SRGAP3: variants seen among roughly 807,000 people sequenced by gnomAD.
SRGAP3 encodes SLIT-ROBO Rho GTPase activating protein 3.
SRGAP3 carries 39 observed loss-of-function variants against 121.1 expected under a neutral mutation model. The observed-to-expected ratio is 0.32, with a 90% CI of 0.25 to 0.42. The LOEUF is 0.42. SRGAP3 is among the 10% of genes least tolerant of loss of function. The probability of loss-of-function intolerance (pLI) is 1.00; values close to 1 mark genes in which losing one functional copy is unlikely to be tolerated. For missense variants in SRGAP3, 1,213 were observed against 1,470.6 expected, an observed-to-expected ratio of 0.82 and a Z score of 2.86; for synonymous variants, 601 against 570.0, an observed-to-expected ratio of 1.05 and a Z score of -0.77.
At chr3:9,149,619 GCA>G in intron 1 of SRGAP3, among the ~76,000 whole-genome samples, 1 of 152,308 alleles carries the variant, frequency 6.6e-6, no homozygotes, top group East Asian at 1.9e-4. Context: ...ATCACCAGCA[GCA>G]CATGTCTGGG....
intron 1 of SRGAP3, among the ~76,000 whole-genome samples, chr3:9,211,032 G>T (rs1213971940): frequency 6.6e-6 from 1 of 152,114 alleles, no homozygotes; most frequent in African/African-American, 2.4e-5. Flanking sequence ...AGAAGATAGG[G>T]TTATCAGAAA....
intron 1 of SRGAP3, among the ~76,000 whole-genome samples, chr3:9,347,719 C>G (rs535869535): frequency 6.6e-6 from 1 of 152,348 alleles, no homozygotes; most frequent in South Asian, 2.1e-4. Flanking sequence ...ATTTTCCCAT[C>G]TAGCCCTAGG....
At chr3:9,234,744 A>C (rs1157936277) in intron 1 of SRGAP3, among the ~76,000 whole-genome samples, 3 of 152,232 alleles carry the variant, frequency 2.0e-5, no homozygotes, top group Admixed American at 1.3e-4. Context: ...GCAGACAAGC[A>C]ATCCGGAATC....
chr3:9,179,527 C>T (rs1951301596), intron 1 of SRGAP3, among the ~76,000 whole-genome samples: 1 of 152,048 alleles, frequency 6.6e-6, no homozygotes, highest in African/African-American at 2.4e-5. Flanking sequence ...GATGCCATCA[C>T]CAATGGATGC....
Position 9,313,864 on chromosome 3 carries a change from T to C in SRGAP3, n.442+12146A>G, listed in dbSNP as rs185182796. On this transcript the variant is annotated intron_variant and non_coding_transcript_variant, in intron 3 of 3. Coordinates refer to the SRGAP3 transcript ENST00000490889. ...CAAAAATTAGCCGGGTGTGGTGGCA[T>C]GCGCCTGCAGTCCCAGCTACTTGGA... 3.3e-3 allele frequency among the ~76,000 whole-genome samples: 493 copies of C among 151,662 alleles called. 1 individual carries two copies. Among genetic ancestry groups the C allele is most frequent in the Non-Finnish European group, 5.8e-3 (393 of 67,890 alleles).
At chr3:9,259,095 T>C (rs1259180272) in intron 3 of SRGAP3, among the ~76,000 whole-genome samples, 2 of 152,180 alleles carry the variant, frequency 1.3e-5, no homozygotes, top group Non-Finnish European at 1.5e-5. Context: ...TCTGCAGTGC[T>C]CCCAGCACTT....
In SRGAP3 at chr3:9,104,784, G is replaced by C. The variant is rs753928093; in HGVS notation, c.319C>G (p.Arg107Gly). ...GTGGCATGGTCTCGGCTCTCCCGCC[G>C]GGTCTGATGCAGAACCAGATACCAA... Reference protein sequence around the residue: ...NCWYLVLHQTRRESRDHATLN... With the variant: ...NCWYLVLHQTGRESRDHATLN... Residue 107 changes from arginine to glycine, a missense_variant, in exon 3 of 22, where the codon CGG becomes GGG. This residue lies in a region of SRGAP3 where 793 missense variants were observed against 1,032.9 expected (regional missense o/e 0.77). Coordinates refer to ENST00000383836, the MANE Select transcript of SRGAP3 (RefSeq NM_014850.4). 1 of 1,614,244 alleles carries C rather than the reference G, an allele frequency of 6.2e-7. No individual in the cohort carries two copies. The highest frequency in any genetic ancestry group is 8.5e-7 in the Non-Finnish European group (1 of 1,180,048).
chr3:9,169,643 GA>G, intron 1 of SRGAP3, among the ~76,000 whole-genome samples: 1 of 152,194 alleles, frequency 6.6e-6, no homozygotes, highest in Admixed American at 6.5e-5. Context: ...CAACACTTGG[GA>G]AACTCAAAGT....
At chr3:9,200,102 G>T (rs1160126146) in intron 1 of SRGAP3, among the ~76,000 whole-genome samples, 4 of 152,218 alleles carry the variant, frequency 2.6e-5, no homozygotes, top group Non-Finnish European at 5.9e-5. Flanking sequence ...GGCATCGCCT[G>T]TGTGCTTGGA....
At chr3:9,228,518 G>T (rs1000147366) in intron 1 of SRGAP3, among the ~76,000 whole-genome samples, 22 of 152,208 alleles carry the variant, frequency 1.4e-4, no homozygotes, top group Non-Finnish European at 2.2e-4. Context: ...CCAGAGAAGA[G>T]GAGGGAAGCC....
At chr3:9,122,330 T>C (rs1026727683) in intron 2 of SRGAP3, among the ~76,000 whole-genome samples, 1 of 151,892 alleles carries the variant, frequency 6.6e-6, no homozygotes, top group Non-Finnish European at 1.5e-5. Flanking sequence ...CAAAAAAATA[T>C]GAGATTATAT....
chr3:9,091,290 A>C (rs1356595740), intron 3 of SRGAP3, among the ~76,000 whole-genome samples: 1 of 151,912 alleles, frequency 6.6e-6, no homozygotes, highest in African/African-American at 2.4e-5. Flanking sequence ...GCTTGAGTAG[A>C]TGTTCTCATG....
chr3:9,227,183 A>G (rs1416480831), intron 1 of SRGAP3, among the ~76,000 whole-genome samples: 1 of 151,920 alleles, frequency 6.6e-6, no homozygotes, highest in Non-Finnish European at 1.5e-5. Flanking sequence ...TTTTACATGA[A>G]CTCCCCTGAT....
intron 1 of SRGAP3, among the ~76,000 whole-genome samples, chr3:9,196,079 A>G (rs1461345307): frequency 6.6e-6 from 1 of 152,234 alleles, no homozygotes; most frequent in Non-Finnish European, 1.5e-5. Context: ...TTTCTGCAGG[A>G]GGTGGGATCC....
chr3:9,268,887 T>C (rs1034886208), intron 3 of SRGAP3, among the ~76,000 whole-genome samples: 2 of 152,206 alleles, frequency 1.3e-5, no homozygotes, highest in Admixed American at 6.5e-5. Flanking sequence ...AGTTCTGATA[T>C]AGGTGCCTCT....
chr3:9,343,999 G>C (rs759705773), intron 1 of SRGAP3, among the ~76,000 whole-genome samples: 13 of 152,172 alleles, frequency 8.5e-5, no homozygotes, highest in Non-Finnish European at 1.5e-4. Flanking sequence ...CAATTTTTCT[G>C]TATCAGTAAC....
intron 3 of SRGAP3, among the ~76,000 whole-genome samples, chr3:9,304,173 T>A (rs1955117517): frequency 6.6e-6 from 1 of 152,168 alleles, no homozygotes; most frequent in African/African-American, 2.4e-5. Flanking sequence ...CTGAGCTCCT[T>A]AAGAACAGTG....
chr3:9,359,942 T>C (rs1023362155), intron 1 of SRGAP3, among the ~76,000 whole-genome samples: 2 of 152,232 alleles, frequency 1.3e-5, no homozygotes, highest in African/African-American at 4.8e-5. Flanking sequence ...TTGTTTTTGT[T>C]GTTTAGAGAT....
intron 1 of SRGAP3, among the ~76,000 whole-genome samples, chr3:9,334,806 C>T (rs2600168): frequency 0.82 from 124,812 of 152,190 alleles, 51,796 homozygotes; most frequent in African/African-American, 0.95. Context: ...TCTGCTACTA[C>T]GTGGCTCTAG....
Sources: gnomAD v4.1 joint callset for allele counts (sites outside exome capture counted in the v4.1 genomes callset) on GRCh38, gnomAD v4.1.1 for gene constraint, gnomAD v4.1.1 regional missense constraint, MANE v1.5 for transcripts, NCBI Gene and HGNC (gene_info 2026-07-23, HGNC 2026-07-21) for gene names.